XYLT1: variants seen among roughly 807,000 people sequenced by gnomAD.
XYLT1 encodes beta-D-xylosyltransferase 1.
A neutral mutation model predicts 91.3 loss-of-function variants in XYLT1; 36 were observed. The ratio of observed to expected loss-of-function variants is 0.39; its 90% CI spans 0.30 to 0.52. The LOEUF is 0.52. Among genes scored for constraint, XYLT1 ranks in the 20% least tolerant of loss-of-function variants. The pLI is 0.68. For missense variants in XYLT1, 1,242 were observed against 1,284.5 expected (o/e 0.97, Z 0.51); for synonymous variants, 588 against 532.0 (o/e 1.11, Z -1.45).
intron 5 of XYLT1, among the ~76,000 whole-genome samples, chr16:17,169,917 T>A (rs1049074832): frequency 6.6e-6 from 1 of 152,206 alleles, no homozygotes; most frequent in Non-Finnish European, 1.5e-5. Flanking sequence ...TAAAAGTAAA[T>A]GCAATTTAAG....
At chr16:17,404,103 G>C (rs1001376727) in intron 1 of XYLT1, among the ~76,000 whole-genome samples, 5 of 150,756 alleles carry the variant, frequency 3.3e-5, no homozygotes, top group African/African-American at 1.2e-4. Context: ...GTGTGGTTGG[G>C]GGGGGGGCTC....
intron 2 of XYLT1, among the ~76,000 whole-genome samples, chr16:17,284,317 C>T (rs1461811361): frequency 1.3e-5 from 2 of 152,156 alleles, no homozygotes; most frequent in African/African-American, 2.4e-5. Flanking sequence ...ACTGGAGCAC[C>T]TTCTAGGCAA....
intron 2 of XYLT1, among the ~76,000 whole-genome samples, chr16:17,332,329 A>C (rs2034909830): frequency 6.6e-6 from 1 of 152,190 alleles, no homozygotes; most frequent in Non-Finnish European, 1.5e-5. Flanking sequence ...TGGAAGGCTG[A>C]AGCGGGCAGA....
intron 3 of XYLT1, among the ~76,000 whole-genome samples, chr16:17,207,052 C>CTTTTTTTTTTTTTT (rs1211378641): frequency 4.1e-5 from 5 of 121,086 alleles, no homozygotes; most frequent in African/African-American, 9.4e-5. Flanking sequence ...TCTTTTCTTT[C>CTTTTTTTTTTTTTT]TTTTTTTTTT....
intron 3 of XYLT1, among the ~76,000 whole-genome samples, chr16:17,229,618 T>G (rs1328442793): frequency 6.6e-6 from 1 of 152,120 alleles, no homozygotes; most frequent in Non-Finnish European, 1.5e-5. Flanking sequence ...CTAACAGAGG[T>G]GATCCATTCT....
At chr16:17,188,370 C>T (rs951331408) in intron 5 of XYLT1, among the ~76,000 whole-genome samples, 11 of 152,242 alleles carry the variant, frequency 7.2e-5, no homozygotes, top group Admixed American at 7.2e-4. Flanking sequence ...CCCACATGGG[C>T]TTGCCTCGAC....
intron 3 of XYLT1, among the ~76,000 whole-genome samples, chr16:17,213,568 A>C (rs2032800956): frequency 6.6e-6 from 1 of 152,146 alleles, no homozygotes; most frequent in African/African-American, 2.4e-5. Flanking sequence ...CAGACACTAA[A>C]ATGGGGACTT....
Position 17,127,770 on chromosome 16 carries a change from G to T in XYLT1, c.2119C>A (p.Leu707Met), listed in dbSNP as rs1386714349. 3 of 1,614,206 alleles carry T rather than the reference G, an allele frequency of 1.9e-6. No individual in the cohort carries two copies. The highest frequency in any genetic ancestry group is 1.7e-5 in the Admixed American group (1 of 60,024). ...GFLIKHHATN[L>M]AVSKLETLET... ...AGAGTCTCTAGTTTGCTCACAGCCA[G>T]ATTGGTAGCATGATGCTTGATCAGA... Residue 707 changes from leucine (L) to methionine (M), a missense_variant, in exon 10 of 12, where the codon CTG (leucine) becomes ATG (methionine). Transcript: ENST00000261381.
intron 1 of XYLT1, among the ~76,000 whole-genome samples, chr16:17,408,097 T>G (rs1217266811): frequency 6.6e-6 from 1 of 152,200 alleles, no homozygotes; most frequent in Admixed American, 6.5e-5. Flanking sequence ...CCAAATAAAC[T>G]TTCTTTCTTT....
At chr16:17,290,900 C>A (rs1293299967) in intron 2 of XYLT1, among the ~76,000 whole-genome samples, 1 of 152,192 alleles carries the variant, frequency 6.6e-6, no homozygotes, top group East Asian at 1.9e-4. Flanking sequence ...GCCACCAAAT[C>A]CTGATCCTCC....
intron 2 of XYLT1, among the ~76,000 whole-genome samples, chr16:17,276,347 T>C (rs2033973826): frequency 1.3e-5 from 2 of 152,194 alleles, no homozygotes; most frequent in Non-Finnish European, 2.9e-5. Flanking sequence ...TGTTTATGCC[T>C]GAGGTTGGCA....
chr16:17,298,621 G>A (rs1275058348), intron 2 of XYLT1, among the ~76,000 whole-genome samples: 3 of 152,184 alleles, frequency 2.0e-5, no homozygotes, highest in African/African-American at 4.8e-5. Context: ...AGTTGGGACA[G>A]TCAGCTCTCC....
chr16:17,284,538 T>C (rs988605865), intron 2 of XYLT1, among the ~76,000 whole-genome samples: 1 of 152,030 alleles, frequency 6.6e-6, no homozygotes, highest in African/African-American at 2.4e-5. Flanking sequence ...TCTGAGGAGG[T>C]AGCATTTGGG....
intron 10 of XYLT1, among the ~76,000 whole-genome samples, chr16:17,122,013 T>C (rs1212263086): frequency 1.3e-5 from 2 of 152,100 alleles, no homozygotes; most frequent in Non-Finnish European, 2.9e-5. Context: ...ATTCACTGAT[T>C]GATGGGCTGC....
intron 1 of XYLT1, among the ~76,000 whole-genome samples, chr16:17,404,893 C>T (rs1206706806): frequency 1.3e-5 from 2 of 152,224 alleles, no homozygotes; most frequent in East Asian, 3.9e-4. Flanking sequence ...CCACGCGCAT[C>T]TGCCCCTCTT....
intron 3 of XYLT1, among the ~76,000 whole-genome samples, chr16:17,222,727 T>G (rs1206840492): frequency 2.0e-5 from 3 of 147,296 alleles, no homozygotes; most frequent in African/African-American, 7.6e-5. Flanking sequence ...GAGGCAGAGA[T>G]TGCAGCGAGC....
At chr16:17,374,911 T>C (rs2035579023) in intron 1 of XYLT1, among the ~76,000 whole-genome samples, 1 of 152,214 alleles carries the variant, frequency 6.6e-6, no homozygotes, top group South Asian at 2.1e-4. Context: ...TGCTAGGTGC[T>C]ATGGTTTATT....
intron 5 of XYLT1, among the ~76,000 whole-genome samples, chr16:17,180,091 T>C (rs2032033070): frequency 6.6e-6 from 1 of 152,148 alleles, no homozygotes; most frequent in Non-Finnish European, 1.5e-5. Flanking sequence ...AAGGAGAACA[T>C]AGAAGAAGCA....
At chr16:17,161,420 C>T (rs982918335) in intron 5 of XYLT1, among the ~76,000 whole-genome samples, 10 of 151,926 alleles carry the variant, frequency 6.6e-5, no homozygotes, top group South Asian at 2.1e-4. Flanking sequence ...AAGGGTGGGG[C>T]GGGGGGACCC....
Sources: allele counts gnomAD v4.1 joint callset (sites outside exome capture counted in the v4.1 genomes callset), GRCh38; gene constraint gnomAD v4.1.1; transcripts MANE v1.5; gene names NCBI Gene and HGNC (gene_info 2026-07-23, HGNC 2026-07-21).